Variants in TRPC4AP observed in about 807,000 individuals in gnomAD.
The protein encoded by TRPC4AP is short transient receptor potential channel 4-associated protein.
A neutral mutation model predicts 99.0 loss-of-function variants in TRPC4AP; 45 were observed. The observed-to-expected ratio is 0.45, with a 90% CI of 0.36 to 0.58. The LOEUF is 0.58. Among genes scored for constraint, TRPC4AP ranks in the 20% least tolerant of loss-of-function variants. The pLI, the probability that TRPC4AP is intolerant of heterozygous loss-of-function variation, is 0.00. For synonymous variants in TRPC4AP, 408 were observed against 385.8 expected (o/e 1.06, Z -0.67); for missense variants, 879 against 985.3 (o/e 0.89, Z 1.44).
chr20:35,005,199 G>A (rs2082491941), intron 16 of TRPC4AP, among the ~76,000 whole-genome samples: 3 of 152,188 alleles, frequency 2.0e-5, no homozygotes, highest in Non-Finnish European at 4.4e-5. Context: ...TGCTATCAAT[G>A]ACAGTGACCG....
At chr20:35,081,931 G>A (rs2084658130) in intron 1 of TRPC4AP, among the ~76,000 whole-genome samples, 1 of 152,142 alleles carries the variant, frequency 6.6e-6, no homozygotes, top group African/African-American at 2.4e-5. Context: ...GTTGCAGTGA[G>A]CCAAGAATGC....
In TRPC4AP at chr20:35,049,896, G is replaced by T; in HGVS notation, c.627C>A (p.Thr209=). 1.2e-6 allele frequency: 2 copies of T among 1,613,794 alleles called. No individual in the cohort carries two copies. The highest frequency in any genetic ancestry group is 8.5e-7 in the Non-Finnish European group (1 of 1,179,876). ...TAACACCCAAAATATCTTCAATGAG[G>T]GTTGCTGTTTGTAAGAATGTCTTCT... The part of the protein sequence containing the change: ...TSKKTFLQTA[T]LIEDILGVKK... Residue 209 remains threonine, a synonymous_variant, in exon 6 of 19, where the codon ACC becomes ACA. Transcript: ENST00000252015.
chr20:35,015,857 C>T (rs1299746777), intron 10 of TRPC4AP, 151 bp downstream of exon 10: 9 of 963,312 alleles, frequency 9.3e-6, no homozygotes, highest in South Asian at 1.7e-5. Flanking sequence ...GATCCTACTC[C>T]AAGGTAGCTT....
intron 3 of TRPC4AP, among the ~76,000 whole-genome samples, chr20:35,058,050 T>C (rs1440788607): frequency 1.3e-5 from 2 of 152,222 alleles, no homozygotes; most frequent in Non-Finnish European, 2.9e-5. Context: ...AAAATAAGCA[T>C]GTATTTAAAA....
chr20:35,011,622 ACTGTGACCCACAACACCCTG>A (rs1466664964), intron 11 of TRPC4AP, among the ~76,000 whole-genome samples: 4 of 63,918 alleles, frequency 6.3e-5, no homozygotes, highest in Non-Finnish European at 1.4e-4. Flanking sequence ...CAGGCCTGTG[ACTGTGACCCACAACACCCTG>A]TGACTGTGAC....
rs1163062039 is a variant in TRPC4AP, at chr20:35,035,426, G to A, written c.866-118C>T. ...AATTCTTACTCTGATAGTAGCTAAA[G>A]CTACTCTTTTAAAATGAATGTCAAA... On this transcript the variant is annotated intron_variant, in intron 7 of 18. Transcript: ENST00000252015. 3 of 1,095,826 alleles carry A rather than the reference G, an allele frequency of 2.7e-6. No homozygotes were observed. The African/African-American group carries it at 4.8e-5, about 17-fold the overall frequency. 67.9% of individuals were successfully genotyped at this position (1,095,826 alleles called of 1,614,324 possible).
At chr20:35,077,707 C>T (rs2084520930) in intron 2 of TRPC4AP, among the ~76,000 whole-genome samples, 1 of 152,142 alleles carries the variant, frequency 6.6e-6, no homozygotes, top group Non-Finnish European at 1.5e-5. Flanking sequence ...GAGCCTTCAG[C>T]AGTATGTAAT....
At chr20:35,051,668 C>T (rs544641377) in intron 5 of TRPC4AP, among the ~76,000 whole-genome samples, 36 of 150,400 alleles carry the variant, frequency 2.4e-4, no homozygotes, top group African/African-American at 8.8e-4. Context: ...AGTACCTACA[C>T]TGGCTATGAT....
intron 14 of TRPC4AP, among the ~76,000 whole-genome samples, chr20:35,007,113 T>G (rs994107772): frequency 1.3e-5 from 2 of 152,274 alleles, no homozygotes; most frequent in African/African-American, 2.4e-5. Context: ...TGAAGTTACA[T>G]TGATTTGGAT....
chr20:35,084,576 GTATA>G (rs566949461), intron 1 of TRPC4AP, among the ~76,000 whole-genome samples: 3 of 136,486 alleles, frequency 2.2e-5, no homozygotes, highest in South Asian at 2.3e-4. Flanking sequence ...ATGTGTATAT[GTATA>G]TATGTTTATA....
At position 35,049,959 on chromosome 20, in the gene TRPC4AP, A is replaced by T. The variant is rs2083655528; in HGVS notation, c.564T>A (p.Asn188Lys). ...ATGTAAACAGGAAGATCACAAAGTC[A>T]TTCTTTTCTGCCAAACGCTTTGTAA... The part of the protein sequence containing the change: ...EGVTKRLAEK[N>K]DFVIFLFTLM... Residue 188 changes from asparagine to lysine, a missense_variant, in exon 6 of 19, where the codon AAT becomes AAA. This residue lies in a region of TRPC4AP where 603 missense variants were observed against 631.8 expected (regional missense o/e 0.95). Coordinates refer to ENST00000252015, the MANE Select transcript of TRPC4AP (RefSeq NM_015638.3). The T allele has an allele frequency of 1.2e-6, 2 of 1,613,992 alleles. No homozygotes were observed. The highest frequency in any genetic ancestry group is 1.7e-6 in the Non-Finnish European group (2 of 1,179,984).
At chr20:35,006,346 A>G in intron 15 of TRPC4AP, 89 bp downstream of exon 15, 1 of 1,520,438 alleles carries the variant, frequency 6.6e-7, no homozygotes, top group Non-Finnish European at 9.0e-7. Context: ...CTCTAACGTA[A>G]AACCTGTGCC....
At chr20:35,062,978 A>G (rs2084046426) in intron 3 of TRPC4AP, among the ~76,000 whole-genome samples, 1 of 152,232 alleles carries the variant, frequency 6.6e-6, no homozygotes. Context: ...GTAACAGGTG[A>G]TATGGTTTGG....
intron 1 of TRPC4AP, among the ~76,000 whole-genome samples, chr20:35,087,665 G>A (rs1307269619): frequency 1.3e-5 from 2 of 152,184 alleles, no homozygotes; most frequent in Admixed American, 1.3e-4. Flanking sequence ...AATGAGATGA[G>A]GCTGGAGAGT....
intron 1 of TRPC4AP, among the ~76,000 whole-genome samples, chr20:35,080,551 A>G (rs2084611867): frequency 6.6e-6 from 1 of 151,214 alleles, no homozygotes; most frequent in Admixed American, 6.6e-5. Context: ...AAAAAAAAAA[A>G]AAAAACCTAA....
intron 8 of TRPC4AP, among the ~76,000 whole-genome samples, chr20:35,033,716 G>A (rs1394883277): frequency 6.6e-6 from 1 of 152,114 alleles, no homozygotes; most frequent in African/African-American, 2.4e-5. Context: ...ACCTGGCCAG[G>A]CACAGTGGCT....
chr20:35,014,391 C>T (rs530097691), intron 10 of TRPC4AP, among the ~76,000 whole-genome samples: 40 of 144,546 alleles, frequency 2.8e-4, no homozygotes, highest in African/African-American at 9.8e-4. Flanking sequence ...GATCTCAGCT[C>T]ACTGCAACCT....
rs376219022 is a variant in TRPC4AP at position 35,010,098 on chromosome 20, G to A, written c.1511+89C>T. The A allele has an allele frequency of 7.5e-5, 77 of 1,030,394 alleles. 1 individual carries two copies. The East Asian group carries it at 7.9e-4, about 11-fold the overall frequency. The allele number at this position is 1,030,394 out of a possible 1,614,324, so 63.8% of individuals were successfully genotyped here. On this transcript the variant is annotated intron_variant, in intron 12 of 18. Coordinates refer to ENST00000252015, the MANE Select transcript of TRPC4AP (RefSeq NM_015638.3). ...TAGCTGCATGTGAGAGAGGACACGC[G>A]TGCATACCTGGATGTGCTCACCGGT...
At chr20:35,071,519 A>G (rs2084313631) in intron 2 of TRPC4AP, among the ~76,000 whole-genome samples, 1 of 143,892 alleles carries the variant, frequency 6.9e-6, no homozygotes, top group Non-Finnish European at 1.5e-5. Flanking sequence ...CCTATGAGTG[A>G]GAACACACGG....
Sources: gnomAD v4.1 joint callset for allele counts (sites outside exome capture counted in the v4.1 genomes callset) on GRCh38, gnomAD v4.1.1 for gene constraint, gnomAD v4.1.1 regional missense constraint, MANE v1.5 for transcripts, NCBI Gene and HGNC (gene_info 2026-07-23, HGNC 2026-07-21) for gene names.